The following CSMD1 variants were observed in gnomAD, a reference collection of about 807,000 sequenced individuals.
CSMD1 encodes the protein CUB and sushi domain-containing protein 1.
CSMD1 carries 213 observed loss-of-function variants against 417.5 expected under a neutral mutation model. The ratio of observed to expected loss-of-function variants is 0.51; its 90% CI spans 0.46 to 0.57. CSMD1 has a LOEUF of 0.57. CSMD1 is among the 20% of genes least tolerant of loss of function. The pLI is 0.00. For missense variants in CSMD1, 6,923 were observed against 4,529.7 expected (o/e 1.53, Z -15.17); for synonymous variants, 2,862 against 1,736.8 (o/e 1.65, Z -16.11).
chr8:4,427,691 T>C (rs1200247009), intron 2 of CSMD1, among the ~76,000 whole-genome samples: 3 of 152,212 alleles, frequency 2.0e-5, no homozygotes, highest in Admixed American at 6.5e-5. Flanking sequence ...ATTACATTTA[T>C]GTATTTTTCT....
At chr8:3,812,413 C>T (rs1231548419) in intron 5 of CSMD1, among the ~76,000 whole-genome samples, 2 of 152,032 alleles carry the variant, frequency 1.3e-5, no homozygotes, top group African/African-American at 2.4e-5. Context: ...ACTGTTGACA[C>T]CTAGATATTA....
intron 52 of CSMD1, among the ~76,000 whole-genome samples, chr8:3,016,072 G>T (rs1027640557): frequency 1.3e-5 from 2 of 152,132 alleles, no homozygotes; most frequent in South Asian, 2.1e-4. Context: ...ACTTCTCTAT[G>T]CTTTCTTTCT....
chr8:3,125,059 T>A (rs1817421660), intron 41 of CSMD1, among the ~76,000 whole-genome samples: 2 of 152,238 alleles, frequency 1.3e-5, no homozygotes, highest in South Asian at 4.1e-4. Context: ...AAAGTCATAT[T>A]CTCTCTTTTC....
intron 3 of CSMD1, among the ~76,000 whole-genome samples, chr8:4,111,759 G>C (rs1801869379): frequency 6.6e-6 from 1 of 152,106 alleles, no homozygotes; most frequent in South Asian, 2.1e-4. Flanking sequence ...ACACACACTG[G>C]GAACTGTTGT....
At chr8:4,446,727 G>C (rs1353359306) in intron 2 of CSMD1, among the ~76,000 whole-genome samples, 5 of 138,528 alleles carry the variant, frequency 3.6e-5, no homozygotes, top group African/African-American at 1.4e-4. Flanking sequence ...TTGTGTGTGT[G>C]TGTGTCTGTG....
intron 1 of CSMD1, among the ~76,000 whole-genome samples, chr8:4,670,115 T>C (rs1010152614): frequency 4.1e-4 from 62 of 152,200 alleles, no homozygotes; most frequent in African/African-American, 1.4e-3. Flanking sequence ...GGGCAAACTT[T>C]CTGATTAGGG....
intron 3 of CSMD1, among the ~76,000 whole-genome samples, chr8:4,138,927 T>C (rs1349985377): frequency 3.9e-5 from 6 of 152,198 alleles, no homozygotes; most frequent in African/African-American, 1.4e-4. Flanking sequence ...CAAGCTTCTA[T>C]TTATTTGGAA....
At position 4,610,845 on chromosome 8, in the gene CSMD1, T is replaced by C. The variant is rs555116616; in HGVS notation, c.302+26497A>G. Among the ~76,000 whole-genome samples the C allele has an allele frequency of 2.4e-4, 36 of 152,314 alleles. 1 individual carries two copies. In the South Asian group the frequency reaches 5.6e-3, roughly 24 times the overall value. On this transcript the variant is annotated intron_variant, in intron 2 of 69. Coordinates refer to ENST00000635120, the MANE Select transcript of CSMD1 (RefSeq NM_033225.6). ...CTGTGAGTATAAACAACTGCATGTG[T>C]GGCGAAAACCTTATACGATTTCGTT...
chr8:4,810,389 T>G (rs1798827503), intron 1 of CSMD1, among the ~76,000 whole-genome samples: 1 of 152,222 alleles, frequency 6.6e-6, no homozygotes, highest in African/African-American at 2.4e-5. Context: ...CCATAGCCAT[T>G]CATAACGTGA....
chr8:3,348,329 T>G (rs1346757265), intron 21 of CSMD1, among the ~76,000 whole-genome samples, 168 bp from the exon 22 acceptor site: 2 of 152,128 alleles, frequency 1.3e-5, no homozygotes, highest in East Asian at 3.9e-4. Flanking sequence ...TTTGACCAAC[T>G]GGACCAAAAA....
intron 5 of CSMD1, among the ~76,000 whole-genome samples, chr8:3,833,496 C>T (rs573127045): frequency 2.0e-5 from 3 of 151,936 alleles, no homozygotes; most frequent in Non-Finnish European, 4.4e-5. Context: ...ATAACAAAGC[C>T]CTTTCCTCAT....
At chr8:3,070,309 C>G (rs868185156) in intron 49 of CSMD1, among the ~76,000 whole-genome samples, 1 of 152,206 alleles carries the variant, frequency 6.6e-6, no homozygotes, top group African/African-American at 2.4e-5. Flanking sequence ...TCTGAAAAAG[C>G]TTTTTTCTTC....
chr8:4,562,345 G>A (rs1468823609), intron 2 of CSMD1, among the ~76,000 whole-genome samples: 1 of 152,126 alleles, frequency 6.6e-6, no homozygotes, highest in African/African-American at 2.4e-5. Context: ...ATGGGAAATG[G>A]AAGAAGTGGC....
At chr8:4,749,875 C>G (rs1301662802) in intron 1 of CSMD1, among the ~76,000 whole-genome samples, 1 of 151,984 alleles carries the variant, frequency 6.6e-6, no homozygotes, top group African/African-American at 2.4e-5. Flanking sequence ...AAGAGAAATG[C>G]AACTTCAAAA....
intron 1 of CSMD1, among the ~76,000 whole-genome samples, chr8:4,772,845 C>T (rs1323293212): frequency 6.6e-6 from 1 of 152,148 alleles, no homozygotes; most frequent in Non-Finnish European, 1.5e-5. Flanking sequence ...TGTATGTCTG[C>T]TTCTGAATCA....
rs140891443 is a variant in CSMD1, at chr8:4,030,278, T to A, written c.610+1627A>T. Among the ~76,000 whole-genome samples, 195 of 152,258 alleles carry A rather than the reference T, an allele frequency of 1.3e-3. 1 individual carries two copies. Among genetic ancestry groups the A allele is most frequent in the African/African-American group, 4.6e-3 (193 of 41,558 alleles). ...CCCTCCTGCACTGCCCTAGCAAAGG[T>A]TCTCCATGAGGACCGCCACCCATAG... On this transcript the variant is annotated intron_variant, in intron 4 of 69. Transcript: ENST00000635120.
chr8:4,044,546 T>A (rs191302431), intron 3 of CSMD1, among the ~76,000 whole-genome samples: 85 of 152,342 alleles, frequency 5.6e-4, no homozygotes, highest in African/African-American at 2.0e-3. Flanking sequence ...TCATTCCATC[T>A]GTGATTCTAC....
chr8:3,026,980 T>C (rs1809978463), intron 51 of CSMD1, among the ~76,000 whole-genome samples: 1 of 152,074 alleles, frequency 6.6e-6, no homozygotes, highest in Admixed American at 6.5e-5. Context: ...AAAGCGGCCA[T>C]TAAGGCTTGT....
chr8:4,353,748 T>TC (rs35682398), intron 3 of CSMD1, among the ~76,000 whole-genome samples: 1 of 86,280 alleles, frequency 1.2e-5, no homozygotes, highest in Non-Finnish European at 2.5e-5. Context: ...CATGGAGATT[T>TC]CTTTTTTTGC....
Sources: allele counts gnomAD v4.1 joint callset (sites outside exome capture counted in the v4.1 genomes callset), GRCh38; gene constraint gnomAD v4.1.1; transcripts MANE v1.5; gene names NCBI Gene and HGNC (gene_info 2026-07-23, HGNC 2026-07-21).